PTPRD: variants seen among roughly 807,000 people sequenced by gnomAD.
The protein encoded by PTPRD is protein tyrosine phosphatase receptor type D.
In PTPRD, 34 loss-of-function variants were observed where a neutral mutation model predicts 214.5. The ratio of observed to expected loss-of-function variants is 0.16; its 90% CI spans 0.12 to 0.21. The LOEUF is 0.21. Ranked by LOEUF, PTPRD falls within the 10% of genes least tolerant of loss-of-function variation. The pLI is 1.00. For synonymous variants in PTPRD, 1,128 were observed against 845.7 expected (o/e 1.33, Z -5.79); for missense variants, 2,545 against 2,398.7 (o/e 1.06, Z -1.27).
chr9:10,074,617 A>C (rs1327871628), intron 3 of PTPRD, among the ~76,000 whole-genome samples: 1 of 152,066 alleles, frequency 6.6e-6, no homozygotes, highest in Admixed American at 6.6e-5. Flanking sequence ...GATCCCACTA[A>C]AGCCCATGGA....
chr9:8,988,067 T>G (rs2099352538), intron 11 of PTPRD, among the ~76,000 whole-genome samples: 1 of 150,514 alleles, frequency 6.6e-6, no homozygotes, highest in Non-Finnish European at 1.5e-5. Context: ...GAGAGAGAGA[T>G]TAGAAATGTA....
intron 8 of PTPRD, among the ~76,000 whole-genome samples, chr9:9,524,953 G>A (rs1374493180): frequency 6.6e-6 from 1 of 152,154 alleles, no homozygotes; most frequent in South Asian, 2.1e-4. Context: ...CGCCTTCCAG[G>A]TTCACGCCAT....
At position 8,667,588 on chromosome 9, in the gene PTPRD, T is replaced by C. The variant is rs557291601; in HGVS notation, c.65-30744A>G. Among the ~76,000 whole-genome samples the C allele has an allele frequency of 1.2e-4, 19 of 152,278 alleles. No homozygotes were observed. The South Asian group carries it at 3.9e-3, about 32-fold the overall frequency. ...AACTTATTTAAAAGATTGCATAAAA[T>C]TATCTCTGTGCAATGCATATAAGAC... is the stretch of plus-strand genomic sequence containing the variant. On this transcript the variant is annotated intron_variant, in intron 12 of 45. Coordinates refer to ENST00000381196, the MANE Select transcript of PTPRD (RefSeq NM_002839.4).
At chr9:9,088,372 G>A (rs534455456) in intron 10 of PTPRD, among the ~76,000 whole-genome samples, 41 of 151,680 alleles carry the variant, frequency 2.7e-4, no homozygotes, top group Middle Eastern at 3.4e-3. Context: ...TGGATCACCT[G>A]AGGTTGAGAC....
At chr9:8,895,015 T>C (rs1225898716) in intron 11 of PTPRD, among the ~76,000 whole-genome samples, 1 of 152,220 alleles carries the variant, frequency 6.6e-6, no homozygotes, top group African/African-American at 2.4e-5. Flanking sequence ...CTTTTGCATA[T>C]ATATTGTCAC....
intron 3 of PTPRD, among the ~76,000 whole-genome samples, chr9:10,297,331 G>A (rs991101292): frequency 6.6e-6 from 1 of 151,758 alleles, no homozygotes; most frequent in Admixed American, 6.6e-5. Flanking sequence ...ACAAGAAACT[G>A]TACCATTTTG....
chr9:9,728,889 C>A (rs1448271769), intron 7 of PTPRD, among the ~76,000 whole-genome samples: 1 of 151,920 alleles, frequency 6.6e-6, no homozygotes, highest in Admixed American at 6.6e-5. Flanking sequence ...TTAAGTGATT[C>A]ATAGTTGATT....
chr9:10,098,078 G>T (rs1286891084), intron 3 of PTPRD, among the ~76,000 whole-genome samples: 2 of 151,686 alleles, frequency 1.3e-5, no homozygotes, highest in Admixed American at 1.3e-4. Context: ...CAATAGCAAA[G>T]ACTTGGAACC....
intron 28 of PTPRD, 75 bp downstream of exon 28, chr9:8,485,687 T>G (rs2096986448): frequency 7.6e-7 from 1 of 1,323,264 alleles, no homozygotes; most frequent in South Asian, 1.4e-5. Context: ...GATCAGTTAT[T>G]ATAGCTTCAA....
intron 7 of PTPRD, among the ~76,000 whole-genome samples, chr9:9,702,460 G>A (rs1274900162): frequency 3.9e-5 from 6 of 152,118 alleles, no homozygotes; most frequent in African/African-American, 7.2e-5. Context: ...AAATCCTTGC[G>A]TTTGATGGCT....
At chr9:8,757,282 T>C (rs908683104) in intron 11 of PTPRD, among the ~76,000 whole-genome samples, 2 of 152,140 alleles carry the variant, frequency 1.3e-5, no homozygotes, top group Non-Finnish European at 2.9e-5. Flanking sequence ...ATATAGGGAA[T>C]GTGAACAATT....
intron 9 of PTPRD, among the ~76,000 whole-genome samples, chr9:9,197,637 C>G (rs2099939387): frequency 6.6e-6 from 1 of 152,176 alleles, no homozygotes; most frequent in Admixed American, 6.5e-5. Context: ...TCTCGAACTC[C>G]TGACCTCAGG....
intron 8 of PTPRD, among the ~76,000 whole-genome samples, chr9:9,415,369 G>C (rs1014583326): frequency 8.5e-5 from 13 of 152,096 alleles, no homozygotes; most frequent in Admixed American, 6.5e-5. Flanking sequence ...AGCTACTTGG[G>C]AGGCTGAGGC....
At chr9:9,243,275 C>T (rs956029664) in intron 9 of PTPRD, among the ~76,000 whole-genome samples, 1 of 152,116 alleles carries the variant, frequency 6.6e-6, no homozygotes, top group Non-Finnish European at 1.5e-5. Flanking sequence ...GAGGAATCCT[C>T]CCTAACTCAT....
At chr9:9,154,218 G>GA (rs1398921902) in intron 10 of PTPRD, among the ~76,000 whole-genome samples, 1 of 152,120 alleles carries the variant, frequency 6.6e-6, no homozygotes, top group Non-Finnish European at 1.5e-5. Flanking sequence ...TTGTGAATGA[G>GA]AAAAAAATAT....
chr9:10,356,855 T>C (rs2097288803), intron 2 of PTPRD, among the ~76,000 whole-genome samples: 1 of 151,764 alleles, frequency 6.6e-6, no homozygotes, highest in African/African-American at 2.4e-5. Context: ...AATTTTTGTT[T>C]TTTTAGTAGA....
At chr9:9,213,142 G>C (rs1438344751) in intron 9 of PTPRD, among the ~76,000 whole-genome samples, 1 of 152,152 alleles carries the variant, frequency 6.6e-6, no homozygotes, top group Non-Finnish European at 1.5e-5. Context: ...TTCTCAAGGT[G>C]CTCTTATATA....
chr9:9,742,191 TA>T (rs1445522975), intron 6 of PTPRD, among the ~76,000 whole-genome samples: 4 of 152,206 alleles, frequency 2.6e-5, no homozygotes, highest in Admixed American at 6.5e-5. Context: ...GTTGGCTGCA[TA>T]AATGTCTTCT....
intron 21 of PTPRD, among the ~76,000 whole-genome samples, chr9:8,509,945 C>T (rs763071528): frequency 6.6e-6 from 1 of 152,062 alleles, no homozygotes; most frequent in African/African-American, 2.4e-5. Context: ...CCTTATCCTT[C>T]TTTTGAAATG....
Sources: gnomAD v4.1 joint callset for allele counts (sites outside exome capture counted in the v4.1 genomes callset) on GRCh38, gnomAD v4.1.1 for gene constraint, MANE v1.5 for transcripts, NCBI Gene and HGNC (gene_info 2026-07-23, HGNC 2026-07-21) for gene names.